SNTG1: variants seen among roughly 807,000 people sequenced by gnomAD.
SNTG1 encodes gamma-1-syntrophin.
In SNTG1, 39 loss-of-function variants were observed where a neutral mutation model predicts 74.7. That is an observed-to-expected ratio of 0.52 (90% CI 0.40 to 0.68). The LOEUF (loss-of-function observed/expected upper bound fraction) is 0.68. Ranked by LOEUF, SNTG1 falls within the 30% of genes least tolerant of loss-of-function variation. The pLI, the probability that SNTG1 is intolerant of heterozygous loss-of-function variation, is 0.00. For missense variants in SNTG1, 685 were observed against 609.5 expected, an observed-to-expected ratio of 1.12 and a Z score of -1.30; for synonymous variants, 254 against 217.1, an observed-to-expected ratio of 1.17 and a Z score of -1.49.
intron 18 of SNTG1, among the ~76,000 whole-genome samples, chr8:50,772,912 TGTGATC>T (rs1363635871): frequency 6.6e-6 from 1 of 152,134 alleles, no homozygotes; most frequent in African/African-American, 2.4e-5. Flanking sequence ...TTTCTCACCA[TGTGATC>T]TCTTTGGACA....
intron 15 of SNTG1, among the ~76,000 whole-genome samples, chr8:50,659,586 A>G (rs946769922): frequency 6.6e-6 from 1 of 152,214 alleles, no homozygotes; most frequent in African/African-American, 2.4e-5. Flanking sequence ...TGTTCCTTAT[A>G]GAGAACTTTG....
intron 8 of SNTG1, chr8:50,491,252 G>A (rs962108502): frequency 1.3e-5 from 2 of 152,320 alleles, no homozygotes; most frequent in African/African-American, 4.8e-5. Context: ...ACAAAACAAC[G>A]TGACAGTATC....
intron 1 of SNTG1, among the ~76,000 whole-genome samples, chr8:50,133,586 C>T (rs994335806): frequency 6.6e-6 from 1 of 152,168 alleles, no homozygotes; most frequent in African/African-American, 2.4e-5. Context: ...CATGCCCCCT[C>T]TGACATTCTG....
intron 18 of SNTG1, among the ~76,000 whole-genome samples, chr8:50,791,998 T>G (rs2095691997): frequency 6.6e-6 from 1 of 151,754 alleles, no homozygotes; most frequent in South Asian, 2.1e-4. Context: ...CCACTGGTAA[T>G]AAATGGGTTA....
chr8:50,146,674 G>A (rs2081879772), intron 1 of SNTG1, among the ~76,000 whole-genome samples: 1 of 152,118 alleles, frequency 6.6e-6, no homozygotes, highest in Non-Finnish European at 1.5e-5. Flanking sequence ...CAATGTGTGA[G>A]GATTCCTGTG....
chr8:50,073,953 G>A lies in SNTG1; in HGVS notation c.-102-98608G>A, dbSNP rs139475986. Among the ~76,000 whole-genome samples, 50 of 148,980 alleles carry A rather than the reference G, an allele frequency of 3.4e-4. 2 individuals carry two copies. The East Asian group carries it at 7.5e-3, about 22-fold the overall frequency. On this transcript the variant is annotated intron_variant, in intron 1 of 18. Coordinates refer to ENST00000642720, the MANE Select transcript of SNTG1 (RefSeq NM_018967.5). ...CTAGAGCACAAGCATACTAGATTTCGCATCCTTCTTAAGGGCCCTAGGATT... is the reference window on the plus strand; with the variant it reads ...CTAGAGCACAAGCATACTAGATTTCACATCCTTCTTAAGGGCCCTAGGATT...
intron 11 of SNTG1, among the ~76,000 whole-genome samples, chr8:50,546,354 G>T (rs1442088148): frequency 6.6e-6 from 1 of 151,354 alleles, no homozygotes; most frequent in Non-Finnish European, 1.5e-5. Flanking sequence ...ATATCATGAT[G>T]TTGGTTACTA....
chr8:49,987,710 G>A lies in SNTG1; in HGVS notation c.-103+75479G>A, dbSNP rs191951260. Among the ~76,000 whole-genome samples, 1,193 of 147,850 alleles carry A rather than the reference G, an allele frequency of 8.1e-3. 6 individuals carry two copies. The highest frequency in any genetic ancestry group is 0.011 in the Non-Finnish European group (749 of 67,452). On this transcript the variant is annotated intron_variant, in intron 1 of 18. Coordinates refer to ENST00000642720, the MANE Select transcript of SNTG1 (RefSeq NM_018967.5). Reference sequence around the variant, plus strand: ...GCCACCCAGGCTGGAGTGTGGTGGCGTGATCTCGGCTTACTGCAACCTCTG... The same window carrying A: ...GCCACCCAGGCTGGAGTGTGGTGGCATGATCTCGGCTTACTGCAACCTCTG...
chr8:50,031,990 G>A lies in SNTG1; in HGVS notation c.-103+119759G>A, dbSNP rs908925857. On this transcript the variant is annotated intron_variant, in intron 1 of 18. Transcript: ENST00000642720. ...TTTCCTTAACAGTTGTGAGGTTAAA[G>A]TTATCTTTTTCATTTCAGTTGAATT... Among the ~76,000 whole-genome samples the A allele has an allele frequency of 2.6e-5, 4 of 152,136 alleles. 1 individual carries two copies. The highest frequency in any genetic ancestry group is 3.4e-3 in the Middle Eastern group (1 of 294).
intron 12 of SNTG1, among the ~76,000 whole-genome samples, chr8:50,572,275 T>TAGAG (rs71235308): frequency 0.018 from 2,642 of 148,358 alleles, 37 homozygotes; most frequent in African/African-American, 0.032. Context: ...TATATATATA[T>TAGAG]AGAGAGAGAG....
At chr8:49,928,441 G>A (rs1807247747) in intron 1 of SNTG1, among the ~76,000 whole-genome samples, 1 of 151,996 alleles carries the variant, frequency 6.6e-6, no homozygotes, top group South Asian at 2.1e-4. Flanking sequence ...ATATTGGCCA[G>A]GCTGCTCTCG....
intron 13 of SNTG1, among the ~76,000 whole-genome samples, chr8:50,617,398 A>G (rs1028901979): frequency 6.6e-6 from 1 of 152,012 alleles, no homozygotes; most frequent in Non-Finnish European, 1.5e-5. Flanking sequence ...ACACACACAC[A>G]CACACACACA....
At chr8:50,143,745 T>C (rs2081756781) in intron 1 of SNTG1, among the ~76,000 whole-genome samples, 2 of 152,214 alleles carry the variant, frequency 1.3e-5, no homozygotes, top group Non-Finnish European at 2.9e-5. Flanking sequence ...TTTAGTATAA[T>C]GGATATGTCA....
At chr8:50,505,712 C>T (rs944107343) in intron 9 of SNTG1, among the ~76,000 whole-genome samples, 4 of 151,996 alleles carry the variant, frequency 2.6e-5, no homozygotes, top group African/African-American at 9.7e-5. Flanking sequence ...ATTTGTTTTG[C>T]TGTTGTTGAG....
chr8:50,206,481 T>C (rs942909451), intron 2 of SNTG1, among the ~76,000 whole-genome samples: 3 of 152,004 alleles, frequency 2.0e-5, no homozygotes, highest in Non-Finnish European at 4.4e-5. Flanking sequence ...GACGATGGGG[T>C]TTTCTAAATA....
At chr8:50,034,494 C>G (rs1001327684) in intron 1 of SNTG1, among the ~76,000 whole-genome samples, 8 of 152,140 alleles carry the variant, frequency 5.3e-5, no homozygotes, top group African/African-American at 1.9e-4. Flanking sequence ...GTTTGAAATT[C>G]CTACAGCAGT....
rs1024492352 is a variant in SNTG1 at position 50,305,189 on chromosome 8, T to C, written c.-27-89023T>C. ...CTTGTATGTTGAAAGGAGTTGGTCATAGTCTTTATATTTCTCACATTGTCT... is the reference window on the plus strand; with the variant it reads ...CTTGTATGTTGAAAGGAGTTGGTCACAGTCTTTATATTTCTCACATTGTCT... On this transcript the variant is annotated intron_variant, in intron 2 of 18. Coordinates refer to ENST00000642720, the MANE Select transcript of SNTG1 (RefSeq NM_018967.5). Among the ~76,000 whole-genome samples the C allele has an allele frequency of 3.3e-5, 5 of 152,154 alleles. No homozygotes were observed. In the East Asian group the frequency reaches 9.6e-4, roughly 29 times the overall value.
rs1357240058 is a variant in SNTG1 at position 50,089,247 on chromosome 8, G to A, written c.-102-83314G>A. ...GATCCCTTCCTTACACCTTATACAAGAATTAATTCAAGATGGATTAAAGAT... is the reference window on the plus strand; with the variant it reads ...GATCCCTTCCTTACACCTTATACAAAAATTAATTCAAGATGGATTAAAGAT... On this transcript the variant is annotated intron_variant, in intron 1 of 18. Transcript: ENST00000642720. Among the ~76,000 whole-genome samples the A allele has an allele frequency of 4.8e-4, 73 of 152,108 alleles. 1 individual carries two copies. Among genetic ancestry groups the A allele is most frequent in the African/African-American group, 1.0e-3 (43 of 41,492 alleles).
At chr8:50,221,407 T>C (rs1285238156) in intron 2 of SNTG1, among the ~76,000 whole-genome samples, 1 of 151,608 alleles carries the variant, frequency 6.6e-6, no homozygotes, top group African/African-American at 2.4e-5. Context: ...TGTTAAAAAA[T>C]ATAAGATCAA....
Sources: allele counts gnomAD v4.1 joint callset (sites outside exome capture counted in the v4.1 genomes callset), GRCh38; gene constraint gnomAD v4.1.1; transcripts MANE v1.5; gene names NCBI Gene and HGNC (gene_info 2026-07-23, HGNC 2026-07-21).